The following FRMPD4 variants were observed in gnomAD, a reference collection of about 807,000 sequenced individuals.
FRMPD4 encodes FERM and PDZ domain containing 4, also known as FERM and PDZ domain-containing protein 4.
A neutral mutation model predicts 94.1 loss-of-function variants in FRMPD4; 22 were observed. The observed-to-expected ratio is 0.23, with a 90% CI of 0.17 to 0.33. The LOEUF is 0.33. FRMPD4 is among the 10% of genes least tolerant of loss of function. The pLI is 1.00. For synonymous variants in FRMPD4, 631 were observed against 548.6 expected (o/e 1.15, Z -2.10); for missense variants, 1,111 against 1,339.9 (o/e 0.83, Z 2.67).
chrX:12,005,289 G>T (rs2054546017), intron 3 of FRMPD4, among the ~76,000 whole-genome samples: 1 of 108,135 alleles, frequency 9.2e-6, no homozygotes, highest in Non-Finnish European at 1.9e-5. Context: ...GAAGAATCTG[G>T]ATCTCTAATA....
intron 3 of FRMPD4, among the ~76,000 whole-genome samples, chrX:12,105,233 C>G (rs1359751312): frequency 8.9e-6 from 1 of 112,061 alleles, no homozygotes; most frequent in East Asian, 2.8e-4. Flanking sequence ...TTTCTTGGCA[C>G]TTACTCCTCA....
intron 4 of FRMPD4, among the ~76,000 whole-genome samples, chrX:12,649,087 G>C (rs757985535): frequency 8.9e-6 from 1 of 112,137 alleles, no homozygotes; most frequent in Non-Finnish European, 1.9e-5. Context: ...ACCTAACAAG[G>C]TCTGAGTGAG....
intron 1 of FRMPD4, among the ~76,000 whole-genome samples, chrX:12,212,015 G>A (rs904144757): frequency 2.7e-5 from 3 of 111,009 alleles, no homozygotes; most frequent in Non-Finnish European, 3.8e-5. Flanking sequence ...TAAACATTCC[G>A]GGTGTTGAGA....
chrX:12,257,057 A>G (rs909582989), intron 1 of FRMPD4, among the ~76,000 whole-genome samples: 1 of 112,292 alleles, frequency 8.9e-6, no homozygotes, highest in African/African-American at 3.2e-5. Context: ...TTAAATTTTA[A>G]TTATCATACT....
chrX:12,591,797 C>G (rs770463403), intron 2 of FRMPD4, among the ~76,000 whole-genome samples: 19 of 111,766 alleles, frequency 1.7e-4, no homozygotes, highest in Non-Finnish European at 3.2e-4. Context: ...CTCAGCTGCA[C>G]CATACCCTAC....
intron 3 of FRMPD4, among the ~76,000 whole-genome samples, chrX:11,934,253 C>T (rs1436800750): frequency 6.2e-5 from 7 of 112,289 alleles, no homozygotes; most frequent in Admixed American, 2.8e-4. Context: ...GTCTCCCTAA[C>T]TCTTAAAGCA....
intron 3 of FRMPD4, among the ~76,000 whole-genome samples, chrX:11,954,696 A>G (rs995945484): frequency 9.0e-6 from 1 of 111,240 alleles, no homozygotes; most frequent in African/African-American, 3.3e-5. Context: ...TTCTAATATC[A>G]TCTTGGGGTC....
intron 8 of FRMPD4, among the ~76,000 whole-genome samples, chrX:12,691,947 G>A (rs909728520): frequency 1.8e-5 from 2 of 111,232 alleles, no homozygotes; most frequent in African/African-American, 6.6e-5. Context: ...GGTCACAGGT[G>A]TTTGCTGTAA....
chrX:12,467,300 T>C (rs745320131), intron 1 of FRMPD4, among the ~76,000 whole-genome samples: 3 of 111,520 alleles, frequency 2.7e-5, no homozygotes, highest in Non-Finnish European at 3.8e-5. Context: ...TGCTATGCAA[T>C]AGAGCTTGTT....
At chrX:12,252,860 A>G in intron 1 of FRMPD4, among the ~76,000 whole-genome samples, 1 of 111,662 alleles carries the variant, frequency 9.0e-6, no homozygotes, top group Non-Finnish European at 1.9e-5. Context: ...GTATTTCACT[A>G]CTTTAGACAG....
chrX:12,156,202 G>A (rs2055933357), intron 1 of FRMPD4, among the ~76,000 whole-genome samples: 1 of 111,528 alleles, frequency 9.0e-6, no homozygotes, highest in South Asian at 3.8e-4. Context: ...ATGAAAAGTT[G>A]TCCCTCTCAA....
intron 1 of FRMPD4, among the ~76,000 whole-genome samples, chrX:11,835,485 C>A (rs1335501179): frequency 8.9e-6 from 1 of 111,957 alleles, no homozygotes; most frequent in African/African-American, 3.2e-5. Context: ...GAAATAAGCA[C>A]GTACAACGTG....
chrX:12,690,864 G>A (rs1281142983), intron 8 of FRMPD4, among the ~76,000 whole-genome samples: 2 of 111,790 alleles, frequency 1.8e-5, no homozygotes, highest in African/African-American at 6.5e-5. Flanking sequence ...AGACAAGCAG[G>A]CTGCTTAGCT....
intron 16 of FRMPD4, among the ~76,000 whole-genome samples, 165 bp from the exon 17 acceptor site, chrX:12,720,369 G>T (rs974833221): frequency 9.0e-6 from 1 of 111,566 alleles, no homozygotes; most frequent in African/African-American, 3.3e-5. Context: ...AATTTGTTAT[G>T]AGATATCAAG....
chrX:12,022,812 G>A (rs979268326), intron 3 of FRMPD4, among the ~76,000 whole-genome samples: 2 of 111,204 alleles, frequency 1.8e-5, no homozygotes. Context: ...TCAAGAAGGA[G>A]CCCTGGGGAT....
intron 3 of FRMPD4, among the ~76,000 whole-genome samples, chrX:11,897,744 C>T (rs184867989): frequency 3.6e-5 from 4 of 111,894 alleles, no homozygotes; most frequent in African/African-American, 9.7e-5. Context: ...GGAATAAAGT[C>T]GAAAAACCTC....
chrX:11,843,763 C>T (rs903863878), intron 1 of FRMPD4, among the ~76,000 whole-genome samples: 4 of 109,559 alleles, frequency 3.7e-5, no homozygotes, highest in African/African-American at 1.3e-4. Context: ...GTTCACCAGG[C>T]TGATGTTGAA....
At chrX:12,332,192 A>G (rs895333773) in intron 1 of FRMPD4, among the ~76,000 whole-genome samples, 3 of 59,220 alleles carry the variant, frequency 5.1e-5, no homozygotes, top group African/African-American at 3.4e-4. Context: ...TTTATATTTT[A>G]TATATATATA....
chrX:12,139,826 G>A (rs1162422001), intron 1 of FRMPD4, among the ~76,000 whole-genome samples: 1 of 111,601 alleles, frequency 9.0e-6, no homozygotes, highest in Non-Finnish European at 1.9e-5. Context: ...ATTGGGAAGA[G>A]CCCAATAGGA....
Sources: allele counts gnomAD v4.1 joint callset (sites outside exome capture counted in the v4.1 genomes callset), GRCh38; gene constraint gnomAD v4.1.1; transcripts MANE v1.5; gene names NCBI Gene and HGNC (gene_info 2026-07-23, HGNC 2026-07-21).